Variants in TMPRSS11D observed in about 807,000 individuals in gnomAD.
The protein encoded by TMPRSS11D is transmembrane serine protease 11D, also known as transmembrane protease serine 11D.
In TMPRSS11D, 32 loss-of-function variants were observed where a neutral mutation model predicts 44.4. That is an observed-to-expected ratio of 0.72 (90% CI 0.54 to 0.97). The LOEUF is 0.97. Ranked by LOEUF, TMPRSS11D falls within the 50% of genes least tolerant of loss-of-function variation. TMPRSS11D has a pLI of 0.00. For synonymous variants in TMPRSS11D, 179 were observed against 177.9 expected (o/e 1.01, Z -0.05); for missense variants, 446 against 502.6 (o/e 0.89, Z 1.08).
chr4:67,882,709 C>T (rs1577837395), intron 1 of TMPRSS11D, among the ~76,000 whole-genome samples: 2 of 152,188 alleles, frequency 1.3e-5, no homozygotes, highest in East Asian at 3.9e-4. Flanking sequence ...TAATATTACA[C>T]TTATAGATGG....
At position 67,821,421 on chromosome 4, in the gene TMPRSS11D, G is replaced by A. The variant is rs1577798093; in HGVS notation, c.*916C>T. On this transcript the variant is annotated 3_prime_UTR_variant, in exon 10 of 10. Coordinates refer to ENST00000283916, the MANE Select transcript of TMPRSS11D (RefSeq NM_004262.3). The stretch of plus-strand genomic sequence containing the variant: ...TCGTTACTTAGATTTAGCGTTTGAC[G>A]ACCCTTTTACGCTCAAAAATATAAC... 1 of 152,106 alleles carries A rather than the reference G, an allele frequency of 6.6e-6. No individual in the cohort carries two copies. The allele number at this position is 152,106 out of a possible 1,614,324, so 9.4% of individuals were successfully genotyped here. A position where few individuals can be genotyped will look rare whatever the true frequency, so the allele number is the denominator to read the frequency against.
intron 1 of TMPRSS11D, among the ~76,000 whole-genome samples, chr4:67,861,547 TC>T (rs1718790733): frequency 1.3e-5 from 2 of 152,044 alleles, no homozygotes; most frequent in Admixed American, 1.3e-4. Context: ...TATGTCAGGA[TC>T]TGTAAGCGTG....
intron 1 of TMPRSS11D, among the ~76,000 whole-genome samples, chr4:67,872,571 G>C (rs1366651252): frequency 6.6e-6 from 1 of 152,124 alleles, no homozygotes; most frequent in Non-Finnish European, 1.5e-5. Flanking sequence ...TCATTGAATT[G>C]TGCACCTTAA....
In TMPRSS11D at chr4:67,822,007, G is replaced by C. The variant is rs1236679406; in HGVS notation, c.*330C>G. The C allele has an allele frequency of 5.0e-6, 1 of 198,480 alleles. No individual in the cohort carries two copies. The highest frequency in any genetic ancestry group is 1.0e-5 in the Non-Finnish European group (1 of 96,068). 12.3% of individuals were successfully genotyped at this position (198,480 alleles called of 1,614,324 possible). ...CCTCTGACCCATCAGACCTGTGCAG[G>C]TTCCTCTACTATACATGCTCAAGGT... On this transcript the variant is annotated 3_prime_UTR_variant, in exon 10 of 10. Coordinates refer to ENST00000283916, the MANE Select transcript of TMPRSS11D (RefSeq NM_004262.3).
chr4:67,827,469 A>G lies in TMPRSS11D; in HGVS notation c.744T>C (p.Phe248=). ...TTCTTACTCTCATTCTTAGTTTAGG[A>G]AATGTTGTGGAAATACCAGACGTGG... ...WIATSGISTT[F]PKLRMRVRNI... The change falls in exon 8 of 10, where the codon TTT becomes TTC. Residue 248 remains phenylalanine, a synonymous_variant. Transcript: ENST00000283916. 1 of 1,612,128 alleles carries G rather than the reference A, an allele frequency of 6.2e-7. No individual in the cohort carries two copies. The highest frequency in any genetic ancestry group is 8.5e-7 in the Non-Finnish European group (1 of 1,179,016).
At chr4:67,865,122 A>T (rs548593073) in intron 1 of TMPRSS11D, among the ~76,000 whole-genome samples, 3 of 151,922 alleles carry the variant, frequency 2.0e-5, no homozygotes, top group African/African-American at 7.2e-5. Context: ...AGGCCACAAA[A>T]CAAGTCTGAA....
At position 67,877,205 on chromosome 4, in the gene TMPRSS11D, AGTGTC is replaced by A. The variant is rs2109705236; in HGVS notation, c.8+6716_8+6720del. ...AATTGCATCTCCTCTAGTCAACCTA[AGTGTC>A]TGGTGTTGCTCCATGCTCTGTCCTG... On this transcript the variant is annotated intron_variant, in intron 1 of 9. Coordinates refer to ENST00000283916, the MANE Select transcript of TMPRSS11D (RefSeq NM_004262.3). Among the ~76,000 whole-genome samples the A allele has an allele frequency of 2.0e-5, 3 of 152,252 alleles. No homozygotes were observed. In the East Asian group the frequency reaches 5.8e-4, roughly 29 times the overall value.
At chr4:67,867,527 G>A (rs1718955871) in intron 1 of TMPRSS11D, among the ~76,000 whole-genome samples, 1 of 151,988 alleles carries the variant, frequency 6.6e-6, no homozygotes, top group Non-Finnish European at 1.5e-5. Context: ...GAAATAATCA[G>A]CAGAGTGAAC....
rs188457833 is a variant in TMPRSS11D at position 67,859,766 on chromosome 4, C to T, written c.9-88G>A. On this transcript the variant is annotated intron_variant, in intron 1 of 9. Coordinates refer to ENST00000283916, the MANE Select transcript of TMPRSS11D (RefSeq NM_004262.3). ...GTTCATGATTGTCTTCTGTCTTTCC[C>T]GGTCTCTTATCTGGGACATGGCTCT... 6.3e-3 allele frequency: 9,595 copies of T among 1,533,488 alleles called. 45 individuals carry two copies. Among genetic ancestry groups the T allele is most frequent in the Non-Finnish European group, 7.2e-3 (8,168 of 1,127,398 alleles). The allele number at this position is 1,533,488 out of a possible 1,614,324, so 95.0% of individuals were successfully genotyped here.
intron 7 of TMPRSS11D, among the ~76,000 whole-genome samples, chr4:67,831,905 G>A (rs2109662734): frequency 6.6e-6 from 1 of 152,214 alleles, no homozygotes; most frequent in South Asian, 2.1e-4. Flanking sequence ...CTTTAGTTCA[G>A]TAACTACCCT....
rs148127560 is a variant in TMPRSS11D at position 67,864,805 on chromosome 4, G to A, written c.9-5127C>T. Among the ~76,000 whole-genome samples, 801 of 151,676 alleles carry A rather than the reference G, an allele frequency of 5.3e-3. 1 individual carries two copies. Among genetic ancestry groups the A allele is most frequent in the Middle Eastern group, 0.031 (9 of 290 alleles). ...AAAGTTATTACATGATAACAGAATC[G>A]ACTCAACAAGAAGACATAACAATCC... On this transcript the variant is annotated intron_variant, in intron 1 of 9. Coordinates refer to ENST00000283916, the MANE Select transcript of TMPRSS11D (RefSeq NM_004262.3).
intron 2 of TMPRSS11D, among the ~76,000 whole-genome samples, chr4:67,854,643 A>G (rs563904332): frequency 3.9e-5 from 6 of 152,192 alleles, no homozygotes; most frequent in Non-Finnish European, 8.8e-5. Context: ...TTTCTGGAGT[A>G]AGCTAGAAAG....
In TMPRSS11D at chr4:67,821,467, T is replaced by C. The variant is rs1717640224; in HGVS notation, c.*870A>G. ...ATAACTGCCAGTGATAGGAAGTCTG[T>C]AGTGGGACGTTCTTCCCGATGATTA... is the stretch of plus-strand genomic sequence containing the variant. On this transcript the variant is annotated 3_prime_UTR_variant, in exon 10 of 10. Coordinates refer to ENST00000283916, the MANE Select transcript of TMPRSS11D (RefSeq NM_004262.3). 1.3e-5 allele frequency: 2 copies of C among 152,158 alleles called. No individual in the cohort carries two copies. The highest frequency in any genetic ancestry group is 4.8e-5 in the African/African-American group (2 of 41,434). The allele number at this position is 152,158 out of a possible 1,614,324, so 9.4% of individuals were successfully genotyped here.
At chr4:67,880,561 A>G (rs1247197695) in intron 1 of TMPRSS11D, among the ~76,000 whole-genome samples, 1 of 152,224 alleles carries the variant, frequency 6.6e-6, no homozygotes, top group Non-Finnish European at 1.5e-5. Flanking sequence ...TTGGCTAAGA[A>G]GTAAACTTGT....
chr4:67,825,963 C>T, intron 8 of TMPRSS11D, 89 bp from the exon 9 acceptor site: 3 of 1,347,900 alleles, frequency 2.2e-6, no homozygotes, highest in Non-Finnish European at 9.9e-7. Flanking sequence ...TAAATGTACT[C>T]CAAACATTAT....
intron 1 of TMPRSS11D, among the ~76,000 whole-genome samples, chr4:67,860,661 T>C (rs892882339): frequency 6.6e-6 from 1 of 152,158 alleles, no homozygotes; most frequent in Non-Finnish European, 1.5e-5. Context: ...ATATTTATGA[T>C]ATTTATAAAT....
intron 8 of TMPRSS11D, 71 bp from the exon 9 acceptor site, chr4:67,825,945 A>C (rs1001392449): frequency 1.4e-6 from 2 of 1,420,144 alleles, no homozygotes; most frequent in Non-Finnish European, 1.9e-6. Flanking sequence ...AATAAATTTG[A>C]GAAGAAATAA....
intron 8 of TMPRSS11D, 21 bp from the exon 9 acceptor site, chr4:67,825,895 A>G (rs773955025): frequency 2.5e-6 from 4 of 1,594,014 alleles, no homozygotes; most frequent in Non-Finnish European, 3.4e-6. Context: ...TAAAAGCAGG[A>G]AAAAAATGGA....
chr4:67,866,066 A>T (rs12108430), intron 1 of TMPRSS11D, among the ~76,000 whole-genome samples: 8,166 of 151,890 alleles, frequency 0.054, 693 homozygotes, highest in African/African-American at 0.18. Flanking sequence ...TGTAGGTCAA[A>T]ATCCTTGATG....
Sources: gnomAD v4.1 joint callset for allele counts (sites outside exome capture counted in the v4.1 genomes callset) on GRCh38, gnomAD v4.1.1 for gene constraint, MANE v1.5 for transcripts, NCBI Gene and HGNC (gene_info 2026-07-23, HGNC 2026-07-21) for gene names.